The following FAP variants were observed in gnomAD, a reference collection of about 807,000 sequenced individuals.
FAP encodes the protein prolyl endopeptidase FAP.
A neutral mutation model predicts 126.5 loss-of-function variants in FAP; 110 were observed. The ratio of observed to expected loss-of-function variants is 0.87; its 90% CI spans 0.74 to 1.02. The LOEUF (loss-of-function observed/expected upper bound fraction) is 1.02, where lower values mean the gene tolerates loss of function less well. FAP is among the 50% of genes least tolerant of loss of function. FAP has a pLI of 0.00. For synonymous variants in FAP, 334 were observed against 297.3 expected (o/e 1.12, Z -1.27); for missense variants, 919 against 909.2 (o/e 1.01, Z -0.14).
chr2:162,231,877 G>A (rs1165329968), intron 2 of FAP, among the ~76,000 whole-genome samples: 1 of 152,168 alleles, frequency 6.6e-6, no homozygotes, highest in Non-Finnish European at 1.5e-5. Flanking sequence ...CAAATGGCTG[G>A]CAGGTCCTTT....
intron 3 of FAP, 99 bp from the exon 4 acceptor site, chr2:162,225,676 T>C: frequency 1.6e-6 from 2 of 1,260,654 alleles, no homozygotes; most frequent in South Asian, 3.1e-5. Context: ...CTACTTTGTT[T>C]TTCCTCTCTG....
At chr2:162,175,584 CTT>C (rs1687458171) in intron 21 of FAP, 1 of 152,096 alleles carries the variant, frequency 6.6e-6, no homozygotes, top group African/African-American at 2.4e-5. Flanking sequence ...TCATTGGTGT[CTT>C]TAAAAACCTT....
intron 12 of FAP, chr2:162,209,665 T>A (rs1688848516): frequency 3.0e-6 from 1 of 328,314 alleles, no homozygotes; most frequent in Non-Finnish European, 5.6e-6. Flanking sequence ...TGATCTATAT[T>A]GTATTTGTTT....
At chr2:162,231,055 C>T (rs1178091813) in intron 2 of FAP, among the ~76,000 whole-genome samples, 1 of 152,174 alleles carries the variant, frequency 6.6e-6, no homozygotes, top group African/African-American at 2.4e-5. Context: ...TGACCTTGCT[C>T]ATTGCCTTCA....
In FAP at chr2:162,220,373, C is replaced by T. The variant is rs183927407; in HGVS notation, c.414-448G>A. Among the ~76,000 whole-genome samples the T allele has an allele frequency of 2.0e-5, 3 of 152,336 alleles. No homozygotes were observed. The East Asian group carries it at 5.8e-4, about 29-fold the overall frequency. ...CCCCTGGGATTGTAAAATTTGCACA[C>T]ACTAGACTGAAATGGTCACTGAAGT... On this transcript the variant is annotated intron_variant, in intron 6 of 25. Transcript: ENST00000188790.
At chr2:162,232,106 C>T (rs1480707978) in intron 2 of FAP, among the ~76,000 whole-genome samples, 2 of 151,884 alleles carry the variant, frequency 1.3e-5, no homozygotes, top group African/African-American at 4.8e-5. Context: ...GGGAAATATA[C>T]TATTTACAAG....
rs1689093423 is a variant in FAP at position 162,214,534 on chromosome 2, G to A, written c.867-461C>T. Among the ~76,000 whole-genome samples the A allele has an allele frequency of 2.0e-5, 3 of 151,512 alleles. No homozygotes were observed. The South Asian group carries it at 6.3e-4, about 32-fold the overall frequency. ...TAAGTTTTAGCTGTGACTGTGGTCA[G>A]GTATTGAAATTCAGACTTGTGGAAT... is the stretch of plus-strand genomic sequence containing the variant. On this transcript the variant is annotated intron_variant, in intron 10 of 25. Coordinates refer to ENST00000188790, the MANE Select transcript of FAP (RefSeq NM_004460.5).
At chr2:162,210,587 TAGA>T (rs1428520907) in intron 11 of FAP, among the ~76,000 whole-genome samples, 4 of 152,140 alleles carry the variant, frequency 2.6e-5, no homozygotes, top group Admixed American at 2.6e-4. Flanking sequence ...AGGAAAGAGT[TAGA>T]AGATGAAGGA....
intron 12 of FAP, among the ~76,000 whole-genome samples, chr2:162,208,269 G>C (rs915976320): frequency 7.3e-5 from 11 of 150,728 alleles, no homozygotes; most frequent in African/African-American, 2.7e-4. Context: ...AAAAAAAAAA[G>C]GTCTAAAGCT....
intron 14 of FAP, 137 bp downstream of exon 14, chr2:162,202,735 T>C: frequency 1.9e-6 from 1 of 538,674 alleles, no homozygotes; most frequent in Non-Finnish European, 3.2e-6. Context: ...AAATGTGCAA[T>C]CGTAAATGAA....
chr2:162,242,801 A>C (rs1450065581), intron 2 of FAP, 107 bp downstream of exon 2: 1 of 767,174 alleles, frequency 1.3e-6, no homozygotes, highest in Non-Finnish European at 2.2e-6. Context: ...TAACAGACTT[A>C]CTTTGGAACA....
chr2:162,235,243 T>C (rs12471175), intron 2 of FAP, among the ~76,000 whole-genome samples: 17,011 of 146,056 alleles, frequency 0.12, 2,118 homozygotes, highest in African/African-American at 0.28. Context: ...CAACAAGCAC[T>C]TCCCCCTGCT....
At chr2:162,198,297 C>G (rs1242872388) in intron 16 of FAP, 2 of 1,289,678 alleles carry the variant, frequency 1.6e-6, no homozygotes, top group Non-Finnish European at 2.0e-6. Flanking sequence ...TTGTTCATTC[C>G]CCTGGATGTG....
chr2:162,231,072 C>T (rs1279735444), intron 2 of FAP, among the ~76,000 whole-genome samples: 3 of 152,148 alleles, frequency 2.0e-5, no homozygotes, highest in Non-Finnish European at 4.4e-5. Context: ...TTCAAATGCA[C>T]TCTTCTTTAA....
chr2:162,240,201 C>T (rs1255518858), intron 2 of FAP, among the ~76,000 whole-genome samples: 2 of 152,134 alleles, frequency 1.3e-5, no homozygotes, highest in African/African-American at 2.4e-5. Context: ...TTCATGTGTG[C>T]TTCACACTTT....
chr2:162,243,233 C>T (rs1038080838), intron 1 of FAP, 89 bp downstream of exon 1: 21 of 1,068,388 alleles, frequency 2.0e-5, no homozygotes, highest in Non-Finnish European at 3.0e-5. Context: ...ATGTACAAAT[C>T]TTCACCTTCT....
chr2:162,189,234 T>C (rs1162755247), intron 18 of FAP, 62 bp from the exon 19 acceptor site: 2 of 976,110 alleles, frequency 2.0e-6, no homozygotes, highest in Non-Finnish European at 3.1e-6. Flanking sequence ...TCATTTATTG[T>C]CTTTAATAAC....
chr2:162,182,341 A>C (rs753423686), intron 21 of FAP, among the ~76,000 whole-genome samples: 5 of 152,244 alleles, frequency 3.3e-5, no homozygotes, highest in Non-Finnish European at 4.4e-5. Flanking sequence ...GATTTGCTTT[A>C]GGAAACTTTA....
intron 16 of FAP, among the ~76,000 whole-genome samples, chr2:162,196,024 C>A (rs1464339541): frequency 6.6e-6 from 1 of 152,162 alleles, no homozygotes; most frequent in Non-Finnish European, 1.5e-5. Context: ...CATCTTTCTG[C>A]CTGCAGAGAA....
Sources: allele counts gnomAD v4.1 joint callset (sites outside exome capture counted in the v4.1 genomes callset), GRCh38; gene constraint gnomAD v4.1.1; transcripts MANE v1.5; gene names NCBI Gene and HGNC (gene_info 2026-07-23, HGNC 2026-07-21).